Variants in OXR1 observed in about 807,000 individuals in gnomAD.
OXR1 encodes the protein oxidation resistance protein 1.
In OXR1, 41 loss-of-function variants were observed where a neutral mutation model predicts 104.6. The observed-to-expected ratio is 0.39, with a 90% confidence interval of 0.31 to 0.51. The LOEUF (loss-of-function observed/expected upper bound fraction) is 0.51. OXR1 is among the 20% of genes least tolerant of loss of function. The pLI is 0.77. For synonymous variants in OXR1, 348 were observed against 348.4 expected, an observed-to-expected ratio of 1.00 and a Z score of 0.01; for missense variants, 955 against 1,031.9, an observed-to-expected ratio of 0.93 and a Z score of 1.02.
intron 3 of OXR1, among the ~76,000 whole-genome samples, chr8:106,551,797 T>C (rs1292685938): frequency 1.2e-3 from 162 of 129,838 alleles, no homozygotes; most frequent in Admixed American, 4.7e-3. Flanking sequence ...TACATATATA[T>C]ATATATATAT....
At chr8:106,469,033 G>T (rs201358912) in intron 2 of OXR1, among the ~76,000 whole-genome samples, 1 of 126,702 alleles carries the variant, frequency 7.9e-6, no homozygotes, top group Non-Finnish European at 1.6e-5. Context: ...TGTTGTTGTT[G>T]TTGTGTGTGT....
At chr8:106,399,727 A>G (rs1336755849) in intron 2 of OXR1, among the ~76,000 whole-genome samples, 3 of 152,186 alleles carry the variant, frequency 2.0e-5, no homozygotes, top group Non-Finnish European at 2.9e-5. Flanking sequence ...TGCTACTATC[A>G]TCTGTGTTTT....
intron 3 of OXR1, among the ~76,000 whole-genome samples, chr8:106,633,297 TA>T (rs1277088859): frequency 2.0e-5 from 3 of 151,870 alleles, no homozygotes; most frequent in African/African-American, 4.8e-5. Context: ...TATTGCATAA[TA>T]AAAAACACTA....
At chr8:106,736,174 C>CCA (rs369119914) in intron 11 of OXR1, among the ~76,000 whole-genome samples, 6 of 148,696 alleles carry the variant, frequency 4.0e-5, no homozygotes, top group African/African-American at 7.4e-5. Context: ...CACCCCCCCC[C>CCA]ATCCGCCCCC....
At chr8:106,507,026 G>T (rs897929468) in intron 2 of OXR1, among the ~76,000 whole-genome samples, 13 of 152,036 alleles carry the variant, frequency 8.6e-5, no homozygotes, top group Admixed American at 7.9e-4. Context: ...GAGTTCAGAG[G>T]CTGCAGTGAG....
At chr8:106,460,936 G>A (rs898507277) in intron 2 of OXR1, among the ~76,000 whole-genome samples, 16 of 151,674 alleles carry the variant, frequency 1.1e-4, no homozygotes, top group African/African-American at 2.7e-4. Context: ...TAATGGGCAC[G>A]TGTATATTAA....
intron 3 of OXR1, among the ~76,000 whole-genome samples, chr8:106,537,684 A>AAAG (rs60476908): frequency 0.013 from 1,972 of 150,806 alleles, 43 homozygotes; most frequent in African/African-American, 0.045. Context: ...AGTATTTTAA[A>AAAG]AAGAAGAAGA....
chr8:106,722,518 GATT>G (rs751831865), intron 11 of OXR1, among the ~76,000 whole-genome samples: 4 of 152,132 alleles, frequency 2.6e-5, no homozygotes, highest in Non-Finnish European at 5.9e-5. Context: ...GGTCCCCTGA[GATT>G]ATAATGGAGC....
chr8:106,671,182 C>T (rs566444636), intron 3 of OXR1, among the ~76,000 whole-genome samples: 1 of 146,916 alleles, frequency 6.8e-6, no homozygotes, highest in African/African-American at 2.5e-5. Context: ...AATAGTGTTT[C>T]TACCTTCAAT....
chr8:106,726,300 A>G lies in OXR1; in HGVS notation c.1957-11220A>G, dbSNP rs958059209. 4.0e-6 allele frequency: 6 copies of G among 1,494,868 alleles called. No individual in the cohort carries two copies. In the East Asian group the frequency reaches 1.5e-4, roughly 37 times the overall value. The allele number at this position is 1,494,868 out of a possible 1,614,324, so 92.6% of individuals were successfully genotyped here. A position where few individuals can be genotyped will look rare whatever the true frequency, so the allele number is the denominator to read the frequency against. The stretch of plus-strand genomic sequence containing the variant: ...GAAGACATCAACCAATTAATCATAA[A>G]TACACTCTGGTAAATCTTAGTCAAT... On this transcript the variant is annotated intron_variant, in intron 11 of 16. Coordinates refer to ENST00000517566, the MANE Select transcript of OXR1 (RefSeq NM_001198533.2).
At chr8:106,411,410 G>A (rs533466401) in intron 2 of OXR1, among the ~76,000 whole-genome samples, 1 of 152,280 alleles carries the variant, frequency 6.6e-6, no homozygotes, top group East Asian at 1.9e-4. Context: ...ATGTGCACAT[G>A]ATGGCATATA....
At chr8:106,352,721 AAAAT>A (rs1040575306) in intron 1 of OXR1, among the ~76,000 whole-genome samples, 2 of 152,168 alleles carry the variant, frequency 1.3e-5, no homozygotes, top group African/African-American at 4.8e-5. Context: ...ATGTATGTAA[AAAAT>A]AAAGGTGCAG....
At chr8:106,325,712 C>A (rs1349361298) in intron 1 of OXR1, among the ~76,000 whole-genome samples, 1 of 152,162 alleles carries the variant, frequency 6.6e-6, no homozygotes, top group Non-Finnish European at 1.5e-5. Flanking sequence ...ATTTTTCACT[C>A]AGATCTGAAT....
intron 3 of OXR1, among the ~76,000 whole-genome samples, chr8:106,595,566 A>G (rs200356092): frequency 1.5e-3 from 235 of 151,728 alleles, no homozygotes; most frequent in East Asian, 0.011. Context: ...AAAAAAAAAA[A>G]AAAAGAAAAG....
chr8:106,683,801 TATATC>T (rs1828422060), intron 5 of OXR1, among the ~76,000 whole-genome samples: 1 of 152,356 alleles, frequency 6.6e-6, no homozygotes, highest in South Asian at 2.1e-4. Context: ...ATTGTATTGA[TATATC>T]ATACTTATTT....
At chr8:106,288,897 C>A (rs1041461318) in intron 1 of OXR1, among the ~76,000 whole-genome samples, 1 of 151,872 alleles carries the variant, frequency 6.6e-6, no homozygotes, top group African/African-American at 2.4e-5. Flanking sequence ...TTTCATTCAG[C>A]AAGTATGTCG....
At chr8:106,362,292 A>G (rs1816281020) in intron 2 of OXR1, among the ~76,000 whole-genome samples, 1 of 152,134 alleles carries the variant, frequency 6.6e-6, no homozygotes. Flanking sequence ...GTTGATTTTA[A>G]AATGTAACTC....
intron 3 of OXR1, among the ~76,000 whole-genome samples, chr8:106,653,083 A>AATATATATAT (rs71307081): frequency 1.5e-5 from 2 of 137,154 alleles, no homozygotes; most frequent in South Asian, 2.3e-4. Flanking sequence ...AAAAAAAAAA[A>AATATATATAT]ATATATATAT....
intron 3 of OXR1, among the ~76,000 whole-genome samples, chr8:106,566,115 C>A (rs1048477585): frequency 3.9e-5 from 6 of 151,946 alleles, no homozygotes; most frequent in Non-Finnish European, 7.4e-5. Flanking sequence ...AAAGCCAAAA[C>A]TGACAAATGG....
Sources: gnomAD v4.1 joint callset for allele counts (sites outside exome capture counted in the v4.1 genomes callset) on GRCh38, gnomAD v4.1.1 for gene constraint, MANE v1.5 for transcripts, NCBI Gene and HGNC (gene_info 2026-07-23, HGNC 2026-07-21) for gene names.